Variants in GUCA1C observed in about 807,000 individuals in gnomAD.
GUCA1C encodes the protein guanylyl cyclase-activating protein 3.
GUCA1C carries 15 observed loss-of-function variants against 16.2 expected under a neutral mutation model. That is an observed-to-expected ratio of 0.93 (90% CI 0.62 to 1.43). GUCA1C has a LOEUF of 1.43. Among genes scored for constraint, GUCA1C ranks in the 40% most tolerant of loss-of-function variants. The pLI is 0.00. For missense variants in GUCA1C, 275 were observed against 244.8 expected, an observed-to-expected ratio of 1.12 and a Z score of -0.82; for synonymous variants, 78 against 85.4, an observed-to-expected ratio of 0.91 and a Z score of 0.48.
Position 108,953,556 on chromosome 3 carries a change from T to TA in GUCA1C, c.204+2dup, listed in dbSNP as rs758326914. ...AAATGAAATGAAAAATGAAAGATCT[T>TA]ACCTTGTTCGTGTCAAAGGTATTAT... On this transcript the variant is annotated splice_region_variant and intron_variant, in intron 1 of 3. Coordinates refer to ENST00000261047, the MANE Select transcript of GUCA1C (RefSeq NM_005459.4). 6.3e-7 allele frequency: 1 copy of TA among 1,575,322 alleles called. No homozygotes were observed. Among genetic ancestry groups the TA allele is most frequent in the Non-Finnish European group, 8.7e-7 (1 of 1,144,830 alleles).
At chr3:108,910,414 C>T (rs1379777981) in intron 3 of GUCA1C, among the ~76,000 whole-genome samples, 4 of 151,174 alleles carry the variant, frequency 2.6e-5, no homozygotes, top group East Asian at 4.0e-4. Context: ...AGGAGATTCG[C>T]GTGAACCCGG....
chr3:108,924,326 A>T lies in GUCA1C; in HGVS notation c.205-3741T>A, dbSNP rs192777525. 9.2e-5 allele frequency among the ~76,000 whole-genome samples: 14 copies of T among 152,158 alleles called. No individual in the cohort carries two copies. The East Asian group carries it at 2.7e-3, about 29-fold the overall frequency. The stretch of plus-strand genomic sequence containing the variant: ...CCTTAAGGTATGTCCCTTCTATACC[A>T]ATTTTGCTGAGGGTTTTAATCATAA... On this transcript the variant is annotated intron_variant, in intron 1 of 3. Coordinates refer to ENST00000261047, the MANE Select transcript of GUCA1C (RefSeq NM_005459.4).
At chr3:108,911,949 T>C (rs2107273129) in intron 3 of GUCA1C, among the ~76,000 whole-genome samples, 1 of 151,772 alleles carries the variant, frequency 6.6e-6, no homozygotes, top group South Asian at 2.1e-4. Flanking sequence ...CTACTAAAAA[T>C]ACAAAAATTA....
At chr3:108,938,841 A>G (rs969499212) in intron 1 of GUCA1C, among the ~76,000 whole-genome samples, 1 of 152,238 alleles carries the variant, frequency 6.6e-6, no homozygotes, top group Non-Finnish European at 1.5e-5. Flanking sequence ...ACTTCTCATA[A>G]TATTTACCAA....
intron 1 of GUCA1C, among the ~76,000 whole-genome samples, chr3:108,941,426 C>T (rs1034834917): frequency 6.6e-6 from 1 of 152,342 alleles, no homozygotes; most frequent in Non-Finnish European, 1.5e-5. Flanking sequence ...CAAACCCATA[C>T]ATTTAGAGAA....
At chr3:108,912,726 A>AAAC (rs1553732723) in intron 3 of GUCA1C, among the ~76,000 whole-genome samples, 1 of 150,710 alleles carries the variant, frequency 6.6e-6, no homozygotes, top group East Asian at 1.9e-4. Flanking sequence ...AAAAAAAAAA[A>AAAC]TTCTAGATAC....
At chr3:108,921,763 A>G (rs532163386) in intron 1 of GUCA1C, among the ~76,000 whole-genome samples, 1 of 152,108 alleles carries the variant, frequency 6.6e-6, no homozygotes, top group Non-Finnish European at 1.5e-5. Flanking sequence ...CTATTTCTTA[A>G]TCAGATTGTT....
chr3:108,931,773 T>G (rs1946668225), intron 1 of GUCA1C, among the ~76,000 whole-genome samples: 1 of 151,994 alleles, frequency 6.6e-6, no homozygotes, highest in African/African-American at 2.4e-5. Context: ...GGTGAGGAGA[T>G]GTCCCTGCAA....
At chr3:108,925,982 G>T (rs950555312) in intron 1 of GUCA1C, among the ~76,000 whole-genome samples, 2 of 152,118 alleles carry the variant, frequency 1.3e-5, no homozygotes, top group Non-Finnish European at 2.9e-5. Context: ...AGCTACACGG[G>T]AGGCTGAGGC....
At chr3:108,943,102 G>T (rs1298065948) in intron 1 of GUCA1C, among the ~76,000 whole-genome samples, 1 of 152,162 alleles carries the variant, frequency 6.6e-6, no homozygotes, top group East Asian at 1.9e-4. Flanking sequence ...ATAAACAAAA[G>T]ATTTAGAAGA....
rs549185189 is a variant in GUCA1C at position 108,915,012 on chromosome 3, GAGA to G, written c.442+1112_442+1114del. Among the ~76,000 whole-genome samples, 696 of 152,338 alleles carry G rather than the reference GAGA, an allele frequency of 4.6e-3. 6 individuals are homozygous for G. Among genetic ancestry groups the G allele is most frequent in the Middle Eastern group, 0.02 (6 of 294 alleles). ...GGCAGATCTACACCGAGGTGCTTAA[GAGA>G]AGAAGATTGATGCAACTGATGCATC... On this transcript the variant is annotated intron_variant, in intron 3 of 3. Transcript: ENST00000261047.
intron 3 of GUCA1C, among the ~76,000 whole-genome samples, chr3:108,912,520 T>C (rs1354721898): frequency 1.3e-5 from 2 of 152,006 alleles, no homozygotes; most frequent in Non-Finnish European, 2.9e-5. Context: ...ATTTGTTAAA[T>C]TATAACAATA....
Position 108,907,878 on chromosome 3 carries a change from C to A in GUCA1C, c.*144G>T. 1 of 612,952 alleles carries A rather than the reference C, an allele frequency of 1.6e-6. No homozygotes were observed. The highest frequency in any genetic ancestry group is 2.9e-6 in the Non-Finnish European group (1 of 350,692). The allele number at this position is 612,952 out of a possible 1,614,324, so 38.0% of individuals were successfully genotyped here. On this transcript the variant is annotated 3_prime_UTR_variant, in exon 4 of 4. Coordinates refer to ENST00000261047, the MANE Select transcript of GUCA1C (RefSeq NM_005459.4). The stretch of plus-strand genomic sequence containing the variant: ...TTTAGGATCTTTATGCAAGTCTCTA[C>A]TGGATTAAAATAAGTGCTATATTCA...
chr3:108,911,351 A>C (rs1946450831), intron 3 of GUCA1C, among the ~76,000 whole-genome samples: 1 of 152,214 alleles, frequency 6.6e-6, no homozygotes, highest in African/African-American at 2.4e-5. Context: ...TTCTGGTCTA[A>C]AGAAGTCATC....
At chr3:108,951,683 T>C (rs1414355375) in intron 1 of GUCA1C, among the ~76,000 whole-genome samples, 1 of 152,232 alleles carries the variant, frequency 6.6e-6, no homozygotes, top group African/African-American at 2.4e-5. Context: ...ACACCTTTTG[T>C]GGCATTTGTC....
At chr3:108,922,005 T>C (rs1946573213) in intron 1 of GUCA1C, among the ~76,000 whole-genome samples, 1 of 152,292 alleles carries the variant, frequency 6.6e-6, no homozygotes, top group East Asian at 1.9e-4. Flanking sequence ...CTCCCACATA[T>C]GAGTGAGAAC....
At chr3:108,953,985 T>C (rs1361957679), upstream of GUCA1C, 1 of 552,582 alleles carries the variant, frequency 1.8e-6, no homozygotes, top group East Asian at 2.9e-5. Context: ...ACTAACATGC[T>C]TACAGTCATG....
chr3:108,946,591 C>A (rs1330272952), intron 1 of GUCA1C, among the ~76,000 whole-genome samples: 1 of 152,108 alleles, frequency 6.6e-6, no homozygotes, highest in African/African-American at 2.4e-5. Context: ...AATTATGTGC[C>A]TGTAAAGTAT....
chr3:108,916,787 G>C (rs1229318035), intron 2 of GUCA1C, among the ~76,000 whole-genome samples: 1 of 152,168 alleles, frequency 6.6e-6, no homozygotes, highest in East Asian at 1.9e-4. Context: ...AGCCTTCCTA[G>C]AGGGAAGATG....
Sources: allele counts gnomAD v4.1 joint callset (sites outside exome capture counted in the v4.1 genomes callset), GRCh38; gene constraint gnomAD v4.1.1; transcripts MANE v1.5; gene names NCBI Gene and HGNC (gene_info 2026-07-23, HGNC 2026-07-21).